Variants in DROSHA observed in about 807,000 individuals in gnomAD.
DROSHA encodes the protein drosha ribonuclease III, also known as ribonuclease 3.
Under a neutral mutation model 181.9 loss-of-function variants are expected in DROSHA, and 56 were observed. The ratio of observed to expected loss-of-function variants is 0.31; its 90% confidence interval spans 0.25 to 0.38. DROSHA has a LOEUF of 0.38. DROSHA is among the 10% of genes least tolerant of loss of function. DROSHA has a pLI of 1.00. For synonymous variants in DROSHA, 524 were observed against 591.2 expected (o/e 0.89, Z 1.65); for missense variants, 1,218 against 1,743.5 (o/e 0.70, Z 5.37).
At chr5:31,436,393 CTT>C (rs5867078) in intron 24 of DROSHA, among the ~76,000 whole-genome samples, 221 of 133,062 alleles carry the variant, frequency 1.7e-3, no homozygotes, top group African/African-American at 4.5e-3. Context: ...GCCCCTATTC[CTT>C]TTTTTTTTTT....
intron 11 of DROSHA, among the ~76,000 whole-genome samples, chr5:31,504,223 G>C (rs936004762): frequency 6.6e-6 from 1 of 152,142 alleles, no homozygotes; most frequent in African/African-American, 2.4e-5. Flanking sequence ...TAAGAGCGTC[G>C]CTCCAGGGCC....
chr5:31,484,909 A>C lies in DROSHA; in HGVS notation c.1968T>G (p.Ile656Met). ...TAAGATTCCAGTCATATAATTCCAA[A>C]ATATCTCTGAATAGGAACAGTGAAA... ...ELFSLFLFRD[I>M]LELYDWNLKG... is the part of the protein sequence containing the mutation. The change falls in exon 15 of 36, where the codon ATT becomes ATG. Residue 656 changes from isoleucine to methionine, a missense_variant. By Grantham distance (10) the Ile-to-Met change is conservative. Transcript: ENST00000344624. 1 of 1,546,696 alleles carries C rather than the reference A, an allele frequency of 6.5e-7. No individual in the cohort carries two copies. The highest frequency in any genetic ancestry group is 8.7e-7 in the Non-Finnish European group (1 of 1,145,618).
chr5:31,454,419 G>A (rs1353439447), intron 20 of DROSHA, among the ~76,000 whole-genome samples: 1 of 152,214 alleles, frequency 6.6e-6, no homozygotes, highest in Non-Finnish European at 1.5e-5. Context: ...ATTTTAGTGT[G>A]AAGCCATATT....
chr5:31,505,010 T>C (rs1328773804), intron 10 of DROSHA, among the ~76,000 whole-genome samples: 2 of 152,162 alleles, frequency 1.3e-5, no homozygotes, highest in South Asian at 2.1e-4. Flanking sequence ...GAGGAACACA[T>C]AGAGTGTTTT....
chr5:31,502,118 G>A (rs1753636467), intron 11 of DROSHA, among the ~76,000 whole-genome samples: 1 of 152,234 alleles, frequency 6.6e-6, no homozygotes, highest in African/African-American at 2.4e-5. Flanking sequence ...TCAGGCTCAG[G>A]AGGCAAAAGA....
intron 8 of DROSHA, among the ~76,000 whole-genome samples, chr5:31,511,931 G>GCACA (rs140148677): frequency 2.2e-4 from 32 of 145,494 alleles, no homozygotes; most frequent in African/African-American, 4.1e-4. Context: ...TCACACACAC[G>GCACA]CACACACACA....
In DROSHA at chr5:31,514,350, T is replaced by C. The variant is rs1739045654; in HGVS notation, c.1290+638A>G. ...CTGAGACTACCAGTATCATTAAAAA[T>C]GTAGAATAGGCTGGGCACAGTGGCT... On this transcript the variant is annotated intron_variant, in intron 8 of 35. Coordinates refer to ENST00000344624, the MANE Select transcript of DROSHA (RefSeq NM_001382508.1). The surrounding 1 kb of genome is among the most constrained non-coding windows in gnomAD (Gnocchi z 4.4). Among the ~76,000 whole-genome samples the C allele has an allele frequency of 6.6e-6, 1 of 151,898 alleles. No individual in the cohort carries two copies. Among genetic ancestry groups the C allele is most frequent in the African/African-American group, 2.4e-5 (1 of 41,350 alleles).
chr5:31,451,014 C>T (rs1438666246), intron 21 of DROSHA, among the ~76,000 whole-genome samples: 1 of 152,070 alleles, frequency 6.6e-6, no homozygotes, highest in Non-Finnish European at 1.5e-5. Flanking sequence ...CCAGCCTGGC[C>T]AACATGGCAA....
chr5:31,503,189 G>A (rs1036129481), intron 11 of DROSHA, among the ~76,000 whole-genome samples: 12 of 152,094 alleles, frequency 7.9e-5, no homozygotes, highest in African/African-American at 2.9e-4. Flanking sequence ...CAACAGGAGG[G>A]GCACATGAAT....
chr5:31,506,415 T>C (rs1169783322), intron 10 of DROSHA, among the ~76,000 whole-genome samples: 2 of 148,222 alleles, frequency 1.3e-5, no homozygotes, highest in African/African-American at 5.0e-5. Flanking sequence ...CAATAGCTCA[T>C]GCCTGTAATC....
chr5:31,414,858 C>A (rs755627679), intron 30 of DROSHA, among the ~76,000 whole-genome samples: 1 of 152,176 alleles, frequency 6.6e-6, no homozygotes, highest in East Asian at 1.9e-4. Context: ...AACCTGTCAT[C>A]AACAACTTTA....
chr5:31,491,747 C>G (rs1386230308), intron 13 of DROSHA, among the ~76,000 whole-genome samples: 1 of 149,642 alleles, frequency 6.7e-6, no homozygotes, highest in African/African-American at 2.5e-5. Context: ...CCTCTTAGTA[C>G]CTTTCCATAA....
At position 31,514,936 on chromosome 5, in the gene DROSHA, T is replaced by C. The variant is rs1739110595; in HGVS notation, c.1290+52A>G. On this transcript the variant is annotated intron_variant, in intron 8 of 35. Transcript: ENST00000344624. This position sits in a 1 kb window ranked among gnomAD's most constrained non-coding sequence, Gnocchi z 4.4. Reference sequence around the variant, plus strand: ...TTTATCCAGCCCCAAAGGCCAATAGTGACAACGCCGAGAAGCCCTAGTCTA... The same window carrying C: ...TTTATCCAGCCCCAAAGGCCAATAGCGACAACGCCGAGAAGCCCTAGTCTA... The C allele has an allele frequency of 1.3e-6, 2 of 1,553,276 alleles. No individual in the cohort carries two copies. The highest frequency in any genetic ancestry group is 4.5e-5 in the East Asian group (2 of 44,588).
At chr5:31,483,955 A>C (rs1232019497) in intron 15 of DROSHA, among the ~76,000 whole-genome samples, 1 of 152,226 alleles carries the variant, frequency 6.6e-6, no homozygotes. Context: ...ACTGCATGAT[A>C]TAATGTGACT....
At chr5:31,406,178 G>A (rs7712231) in intron 34 of DROSHA, among the ~76,000 whole-genome samples, 23,689 of 152,050 alleles carry the variant, frequency 0.16, 2,032 homozygotes, top group East Asian at 0.29. Flanking sequence ...AGATGCTAGC[G>A]TTTCCATACA....
At position 31,409,511 on chromosome 5, in the gene DROSHA, A is replaced by G; in HGVS notation, c.3668-179T>C. On this transcript the variant is annotated intron_variant, in intron 31 of 35. Transcript: ENST00000344624. The surrounding 1 kb of genome is among the most constrained non-coding windows in gnomAD (Gnocchi z 4.0). ...TTTATCATTAATATCAGAAGCAGCAAGAGATGTGTAAGATGCAAATCATAG... is the reference window on the plus strand; with the variant it reads ...TTTATCATTAATATCAGAAGCAGCAGGAGATGTGTAAGATGCAAATCATAG... The G allele has an allele frequency of 1.7e-6, 1 of 599,864 alleles. No individual in the cohort carries two copies. The highest frequency in any genetic ancestry group is 3.0e-5 in the Admixed American group (1 of 33,146). 37.2% of individuals were successfully genotyped at this position (599,864 alleles called of 1,614,324 possible). A position where few individuals can be genotyped will look rare whatever the true frequency, so the allele number is the denominator to read the frequency against.
intron 27 of DROSHA, among the ~76,000 whole-genome samples, chr5:31,425,194 G>A (rs1743321409): frequency 6.6e-6 from 1 of 151,966 alleles, no homozygotes; most frequent in South Asian, 2.1e-4. Context: ...AATTCCTTAA[G>A]AGGAAAAAAT....
Position 31,418,966 on chromosome 5 carries a change from G to A in DROSHA, c.3525+2306C>T, listed in dbSNP as rs931856079. Among the ~76,000 whole-genome samples, 3 of 152,184 alleles carry A rather than the reference G, an allele frequency of 2.0e-5. No individual in the cohort carries two copies. The East Asian group carries it at 5.8e-4, about 29-fold the overall frequency. ...TTTAGAAGTCATCTGCCGGTAAGATGAAACTGATGACACACATTGAAAAGA... is the reference window on the plus strand; with the variant it reads ...TTTAGAAGTCATCTGCCGGTAAGATAAAACTGATGACACACATTGAAAAGA... On this transcript the variant is annotated intron_variant, in intron 30 of 35. Transcript: ENST00000344624.
intron 27 of DROSHA, among the ~76,000 whole-genome samples, chr5:31,428,602 T>A (rs1371841804): frequency 1.3e-5 from 2 of 152,210 alleles, no homozygotes; most frequent in African/African-American, 4.8e-5. Flanking sequence ...TTCTCAGATA[T>A]GAACATTGTC....
Sources: allele counts gnomAD v4.1 joint callset (sites outside exome capture counted in the v4.1 genomes callset), GRCh38; gene constraint gnomAD v4.1.1; non-coding constraint Gnocchi (gnomAD v3.1); transcripts MANE v1.5; gene names NCBI Gene and HGNC (gene_info 2026-07-23, HGNC 2026-07-21).